Variants in C1GALT1 observed in about 807,000 individuals in gnomAD.
The protein encoded by C1GALT1 is glycoprotein-N-acetylgalactosamine 3-beta-galactosyltransferase 1.
A neutral mutation model predicts 31.0 loss-of-function variants in C1GALT1; 11 were observed. That is an observed-to-expected ratio of 0.36 (90% CI 0.22 to 0.59). The LOEUF (loss-of-function observed/expected upper bound fraction) is 0.59. Ranked by LOEUF, C1GALT1 falls within the 20% of genes least tolerant of loss-of-function variation. C1GALT1 has a pLI of 0.79. For synonymous variants in C1GALT1, 175 were observed against 143.6 expected (o/e 1.22, Z -1.56); for missense variants, 424 against 425.2 (o/e 1.00, Z 0.03).
chr7:7,230,418 C>A (rs1355733366), intron 1 of C1GALT1, among the ~76,000 whole-genome samples: 2 of 151,902 alleles, frequency 1.3e-5, no homozygotes, highest in Non-Finnish European at 2.9e-5. Flanking sequence ...TATTATTTTG[C>A]TTTCAACTTT....
chr7:7,198,395 G>C (rs1781391004), intron 1 of C1GALT1, among the ~76,000 whole-genome samples: 1 of 152,204 alleles, frequency 6.6e-6, no homozygotes, highest in Non-Finnish European at 1.5e-5. Flanking sequence ...ACTTGATTGT[G>C]GTGGATAAGC....
In C1GALT1 at chr7:7,243,961, G is replaced by GT. The variant is rs1388385008; in HGVS notation, c.*240dup. ...ATGTCTATATATATGAGGAACTTGTGTTTTTTAAATGGTGGCCAGGTAGAG... is the reference window on the plus strand; with the variant it reads ...ATGTCTATATATATGAGGAACTTGTGTTTTTTTAAATGGTGGCCAGGTAGAG... On this transcript the variant is annotated 3_prime_UTR_variant, in exon 4 of 4. Coordinates refer to ENST00000436587, the MANE Select transcript of C1GALT1 (RefSeq NM_020156.5). 1 of 272,462 alleles carries GT rather than the reference G, an allele frequency of 3.7e-6. No homozygotes were observed. The highest frequency in any genetic ancestry group is 6.8e-6 in the Non-Finnish European group (1 of 147,446). 16.9% of individuals were successfully genotyped at this position (272,462 alleles called of 1,614,324 possible). A position where few individuals can be genotyped will look rare whatever the true frequency, so the allele number is the denominator to read the frequency against.
At chr7:7,224,091 C>G (rs1782639861) in intron 1 of C1GALT1, among the ~76,000 whole-genome samples, 1 of 152,170 alleles carries the variant, frequency 6.6e-6, no homozygotes, top group African/African-American at 2.4e-5. Flanking sequence ...TCCTTACATA[C>G]TCAGAATAAA....
intron 1 of C1GALT1, among the ~76,000 whole-genome samples, chr7:7,185,823 C>G (rs981603713): frequency 3.3e-5 from 5 of 152,144 alleles, no homozygotes; most frequent in Non-Finnish European, 5.9e-5. Flanking sequence ...AACAGTTGCA[C>G]GGTTTATCTT....
At chr7:7,197,155 C>T (rs541922517) in intron 1 of C1GALT1, among the ~76,000 whole-genome samples, 43 of 152,148 alleles carry the variant, frequency 2.8e-4, no homozygotes, top group Middle Eastern at 3.4e-3. Context: ...GGTTTTCTTA[C>T]AGGGTTTTTC....
At chr7:7,227,635 G>A (rs1387809864) in intron 1 of C1GALT1, among the ~76,000 whole-genome samples, 1 of 151,186 alleles carries the variant, frequency 6.6e-6, no homozygotes, top group Non-Finnish European at 1.5e-5. Context: ...CAGGAGAATG[G>A]CGTGAACCCG....
intron 1 of C1GALT1, among the ~76,000 whole-genome samples, chr7:7,208,653 C>A (rs925413652): frequency 1.1e-4 from 17 of 152,186 alleles, no homozygotes; most frequent in Admixed American, 3.3e-4. Flanking sequence ...GGTGGAGGTA[C>A]AACCACAATG....
At position 7,247,900 on chromosome 7, in the gene C1GALT1, C is replaced by T. The variant is rs762057964; in HGVS notation, c.*4173C>T. On this transcript the variant is annotated 3_prime_UTR_variant, in exon 4 of 4. Coordinates refer to ENST00000436587, the MANE Select transcript of C1GALT1 (RefSeq NM_020156.5). ...TGAAAGTAAAAGTCTAAGAATAATG[C>T]CTGCTGGCTCTCGAGATACTTGCCC... 1.1e-4 allele frequency: 16 copies of T among 151,954 alleles called. No homozygotes were observed. Among genetic ancestry groups the T allele is most frequent in the Non-Finnish European group, 2.2e-4 (15 of 67,882 alleles). 9.4% of individuals were successfully genotyped at this position (151,954 alleles called of 1,614,324 possible).
chr7:7,229,775 G>C (rs1782980444), intron 1 of C1GALT1, among the ~76,000 whole-genome samples: 1 of 152,192 alleles, frequency 6.6e-6, no homozygotes, highest in African/African-American at 2.4e-5. Flanking sequence ...TAGGGAGGCA[G>C]AATTTGAGAC....
intron 2 of C1GALT1, among the ~76,000 whole-genome samples, chr7:7,167,476 T>C (rs1448534360): frequency 6.6e-6 from 1 of 152,076 alleles, no homozygotes; most frequent in African/African-American, 2.4e-5. Flanking sequence ...ATATAAACAA[T>C]GATAAATCTC....
intron 1 of C1GALT1, among the ~76,000 whole-genome samples, chr7:7,207,270 C>T (rs930443323): frequency 1.6e-4 from 23 of 146,130 alleles, no homozygotes; most frequent in Middle Eastern, 3.6e-3. Flanking sequence ...TTGTACTTTT[C>T]GGCTTCAGAA....
intron 1 of C1GALT1, among the ~76,000 whole-genome samples, chr7:7,197,632 C>T (rs955381759): frequency 6.6e-6 from 1 of 152,070 alleles, no homozygotes; most frequent in Non-Finnish European, 1.5e-5. Context: ...TTACCTTGGG[C>T]AGTATGGCCA....
rs572107628 is a variant in C1GALT1 at position 7,182,582 on chromosome 7, C to A, written c.-256C>A. The A allele has an allele frequency of 1.6e-3, 243 of 155,148 alleles. 2 individuals carry two copies. The highest frequency in any genetic ancestry group is 0.01 in the Middle Eastern group (3 of 298). 9.6% of individuals were successfully genotyped at this position (155,148 alleles called of 1,614,324 possible). ...TGGCGGCTGCGCCATAGGCGGGCCA[C>A]GGCCTGGACGCGCTGCGGGGAGGGG... is the stretch of plus-strand genomic sequence containing the variant. On this transcript the variant is annotated 5_prime_UTR_variant, in exon 1 of 4. Transcript: ENST00000436587.
At chr7:7,207,373 C>T (rs1781794762) in intron 1 of C1GALT1, among the ~76,000 whole-genome samples, 2 of 69,856 alleles carry the variant, frequency 2.9e-5, no homozygotes, top group African/African-American at 1.0e-4. Context: ...TTTGAGGTCT[C>T]ACTCTGTTGC....
chr7:7,227,509 G>A (rs7789260), intron 1 of C1GALT1, among the ~76,000 whole-genome samples: 71,397 of 151,656 alleles, frequency 0.47, 18,413 homozygotes, highest in African/African-American at 0.69. Context: ...TCACGAGGTC[G>A]GGAGATCGAG....
At chr7:7,207,478 GA>G (rs1280667535) in intron 1 of C1GALT1, among the ~76,000 whole-genome samples, 1 of 149,602 alleles carries the variant, frequency 6.7e-6, no homozygotes, top group Non-Finnish European at 1.5e-5. Flanking sequence ...GCCTGGCTCA[GA>G]TTTTCCATGT....
intron 1 of C1GALT1, among the ~76,000 whole-genome samples, chr7:7,229,250 C>T: frequency 6.6e-6 from 1 of 152,088 alleles, no homozygotes; most frequent in East Asian, 1.9e-4. Context: ...GGTATTAAGG[C>T]AAAATCACAG....
At chr7:7,215,192 G>T (rs1045359539) in intron 1 of C1GALT1, among the ~76,000 whole-genome samples, 3 of 152,212 alleles carry the variant, frequency 2.0e-5, no homozygotes, top group Non-Finnish European at 2.9e-5. Context: ...TGCTGGGCTG[G>T]CTTGAACAGC....
Position 7,246,735 on chromosome 7 carries a change from C to T in C1GALT1, c.*3008C>T, listed in dbSNP as rs1783862636. On this transcript the variant is annotated 3_prime_UTR_variant, in exon 4 of 4. Coordinates refer to ENST00000436587, the MANE Select transcript of C1GALT1 (RefSeq NM_020156.5). ...AAACTCTGCAGGTGTCTTTCTTATC[C>T]TAGTTTGAGAACCAATACCCAACAA... 6.6e-6 allele frequency: 1 copy of T among 152,246 alleles called. No individual in the cohort carries two copies. Among genetic ancestry groups the T allele is most frequent in the Non-Finnish European group, 1.5e-5 (1 of 68,142 alleles). 9.4% of individuals were successfully genotyped at this position (152,246 alleles called of 1,614,324 possible). A position where few individuals can be genotyped will look rare whatever the true frequency, so the allele number is the denominator to read the frequency against.
Sources: allele counts gnomAD v4.1 joint callset (sites outside exome capture counted in the v4.1 genomes callset), GRCh38; gene constraint gnomAD v4.1.1; transcripts MANE v1.5; gene names NCBI Gene and HGNC (gene_info 2026-07-23, HGNC 2026-07-21).